Variants in ATXN1 observed in about 807,000 individuals in gnomAD.
The protein encoded by ATXN1 is ataxin 1, also known as ataxin-1.
ATXN1 carries 8 observed loss-of-function variants against 56.4 expected under a neutral mutation model. The ratio of observed to expected loss-of-function variants is 0.14; its 90% CI spans 0.08 to 0.26. The LOEUF (loss-of-function observed/expected upper bound fraction) is 0.26, where lower values mean the gene tolerates loss of function less well. Ranked by LOEUF, ATXN1 falls within the 10% of genes least tolerant of loss-of-function variation. The probability of loss-of-function intolerance (pLI) is 1.00; values close to 1 mark genes in which losing one functional copy is unlikely to be tolerated. For synonymous variants in ATXN1, 514 were observed against 494.6 expected (o/e 1.04, Z -0.52); for missense variants, 987 against 1,106.5 (o/e 0.89, Z 1.53).
In ATXN1 at chr6:16,604,324, C is replaced by CAA. The variant is rs57547112; in HGVS notation, c.-488-18419_-488-18418dup. Among the ~76,000 whole-genome samples, 665 of 112,058 alleles carry CAA rather than the reference C, an allele frequency of 5.9e-3. 2 individuals are homozygous for CAA. Among genetic ancestry groups the CAA allele is most frequent in the African/African-American group, 0.019 (574 of 30,054 alleles). The allele number at this position is 112,058 out of a possible 152,430, so 73.5% of individuals were successfully genotyped here. On this transcript the variant is annotated intron_variant, in intron 3 of 7. Transcript: ENST00000436367. ...TGGGCAACACAGCAAAACTCTGTCT[C>CAA]AAAAAAAAAAAAAAAAACAAAAATT...
chr6:16,307,953 A>C (rs1006579480), intron 7 of ATXN1, among the ~76,000 whole-genome samples: 1 of 152,222 alleles, frequency 6.6e-6, no homozygotes, highest in Non-Finnish European at 1.5e-5. Context: ...CAGGAGTTTG[A>C]GACCAGCCTG....
intron 5 of ATXN1, among the ~76,000 whole-genome samples, chr6:16,507,510 T>G (rs921275339): frequency 2.6e-5 from 4 of 152,242 alleles, no homozygotes; most frequent in Non-Finnish European, 4.4e-5. Flanking sequence ...ATAGAAGCTC[T>G]TTCTTTGACT....
At position 16,306,935 on chromosome 6, in the gene ATXN1, A is replaced by T; in HGVS notation, c.1918-76T>A. On this transcript the variant is annotated intron_variant, in intron 7 of 7. Transcript: ENST00000436367. The surrounding 1 kb of genome is among the most constrained non-coding windows in gnomAD (Gnocchi z 5.2). ...AAACATTTTATTCTTGTTTGATTTT[A>T]TGCACACACACAGGTATGAACTCAC... The T allele has an allele frequency of 6.8e-7, 1 of 1,459,960 alleles. No individual in the cohort carries two copies. The highest frequency in any genetic ancestry group is 9.2e-7 in the Non-Finnish European group (1 of 1,091,730). The allele number at this position is 1,459,960 out of a possible 1,614,324, so 90.4% of individuals were successfully genotyped here.
chr6:16,436,336 G>A (rs1482169754), intron 6 of ATXN1, among the ~76,000 whole-genome samples: 1 of 152,092 alleles, frequency 6.6e-6, no homozygotes, highest in Admixed American at 6.5e-5. Flanking sequence ...GCCAGGCACT[G>A]TACTAGATGC....
At chr6:16,556,163 C>T (rs1171782311) in intron 4 of ATXN1, among the ~76,000 whole-genome samples, 1 of 152,080 alleles carries the variant, frequency 6.6e-6, no homozygotes, top group Non-Finnish European at 1.5e-5. Context: ...GACTCTTTAT[C>T]ATTTTGGTTG....
chr6:16,434,972 T>C (rs1469008695), intron 6 of ATXN1, among the ~76,000 whole-genome samples: 3 of 152,076 alleles, frequency 2.0e-5, no homozygotes, highest in African/African-American at 4.8e-5. Flanking sequence ...AGAATGGTGA[T>C]AGTGGGCCGG....
At chr6:16,683,031 C>T (rs1015349395) in intron 2 of ATXN1, among the ~76,000 whole-genome samples, 9 of 152,120 alleles carry the variant, frequency 5.9e-5, no homozygotes, top group African/African-American at 1.9e-4. Context: ...AAGCCTTGAC[C>T]GCCAAAACCA....
intron 3 of ATXN1, among the ~76,000 whole-genome samples, chr6:16,609,843 T>C (rs1763073063): frequency 1.3e-5 from 2 of 152,112 alleles, no homozygotes; most frequent in Non-Finnish European, 2.9e-5. Flanking sequence ...ATTTGCACCT[T>C]TGAAGAAGGA....
At chr6:16,622,111 G>C (rs998922564) in intron 3 of ATXN1, among the ~76,000 whole-genome samples, 5 of 152,238 alleles carry the variant, frequency 3.3e-5, no homozygotes, top group Non-Finnish European at 7.3e-5. Context: ...ACAAGTGACA[G>C]ATGTAAGCAT....
At chr6:16,458,103 CA>C (rs1309753281) in intron 6 of ATXN1, among the ~76,000 whole-genome samples, 1 of 152,214 alleles carries the variant, frequency 6.6e-6, no homozygotes. Context: ...GCTTTAGCTG[CA>C]GCCCGAGAAT....
At position 16,322,031 on chromosome 6, in the gene ATXN1, G is replaced by C. The variant is rs569975645; in HGVS notation, c.1917+4363C>G. Among the ~76,000 whole-genome samples the C allele has an allele frequency of 1.2e-3, 180 of 152,244 alleles. 1 individual carries two copies. Among genetic ancestry groups the C allele is most frequent in the African/African-American group, 3.8e-3 (159 of 41,530 alleles). On this transcript the variant is annotated intron_variant, in intron 7 of 7. Transcript: ENST00000436367. ...GAGCCCAGGAGTTCCAGACCAGCAC[G>C]GGCAAGATAGCAAAACCCTGTCTCT...
chr6:16,707,210 T>C (rs1759427605), intron 2 of ATXN1, among the ~76,000 whole-genome samples: 1 of 152,166 alleles, frequency 6.6e-6, no homozygotes, highest in Non-Finnish European at 1.5e-5. Context: ...ACATATACCA[T>C]GTGTTTTACA....
At chr6:16,426,919 T>C (rs1759169599) in intron 6 of ATXN1, among the ~76,000 whole-genome samples, 1 of 149,098 alleles carries the variant, frequency 6.7e-6, no homozygotes, top group Non-Finnish European at 1.5e-5. Context: ...GAGATTAAAG[T>C]GGCCAGAAAA....
In ATXN1 at chr6:16,635,449, C is replaced by T. The variant is rs140810986; in HGVS notation, c.-489+22327G>A. On this transcript the variant is annotated intron_variant, in intron 3 of 7. Coordinates refer to ENST00000436367, the MANE Select transcript of ATXN1 (RefSeq NM_001128164.2). ...CTTCCATGAAACCAGTCCCTGGTGC[C>T]AAAAAGGTTAGGGACCACTGGTCTA... Among the ~76,000 whole-genome samples the T allele has an allele frequency of 2.4e-3, 368 of 152,280 alleles. 3 individuals are homozygous for T. The highest frequency in any genetic ancestry group is 8.2e-3 in the African/African-American group (341 of 41,552).
chr6:16,555,038 A>C (rs1761986755), intron 4 of ATXN1, among the ~76,000 whole-genome samples: 2 of 152,176 alleles, frequency 1.3e-5, no homozygotes, highest in Non-Finnish European at 2.9e-5. Context: ...GCCATGCTCT[A>C]CTACAGTTCC....
chr6:16,444,062 G>A (rs1466893963), intron 6 of ATXN1, among the ~76,000 whole-genome samples: 1 of 151,184 alleles, frequency 6.6e-6, no homozygotes, highest in Admixed American at 6.6e-5. Flanking sequence ...CTTGCAGTGA[G>A]CCGAGATTGC....
At chr6:16,629,768 C>T (rs149185140) in intron 3 of ATXN1, among the ~76,000 whole-genome samples, 2,101 of 151,688 alleles carry the variant, frequency 0.014, 31 homozygotes, top group Middle Eastern at 0.027. Context: ...ATACAAAAAA[C>T]TAGCTGGACG....
intron 2 of ATXN1, among the ~76,000 whole-genome samples, chr6:16,669,754 G>A (rs1253186513): frequency 6.6e-6 from 1 of 150,742 alleles, no homozygotes; most frequent in Non-Finnish European, 1.5e-5. Flanking sequence ...CATGTATCAC[G>A]GTGGTTTGTT....
intron 3 of ATXN1, among the ~76,000 whole-genome samples, chr6:16,617,917 T>C (rs144324512): frequency 1.3e-5 from 2 of 152,180 alleles, no homozygotes; most frequent in East Asian, 3.9e-4. Context: ...CAAAAGTTCA[T>C]TGAATCCTCA....
Sources: allele counts gnomAD v4.1 joint callset (sites outside exome capture counted in the v4.1 genomes callset), GRCh38; gene constraint gnomAD v4.1.1; non-coding constraint Gnocchi (gnomAD v3.1); transcripts MANE v1.5; gene names NCBI Gene and HGNC (gene_info 2026-07-23, HGNC 2026-07-21).